Variants in MBD5 observed in about 807,000 individuals in gnomAD.
MBD5 encodes methyl-CpG binding domain protein 5.
A neutral mutation model predicts 117.3 loss-of-function variants in MBD5; 13 were observed. That is an observed-to-expected ratio of 0.11 (90% CI 0.07 to 0.18). The LOEUF (loss-of-function observed/expected upper bound fraction) is 0.18. MBD5 is among the 10% of genes least tolerant of loss of function. MBD5 has a pLI of 1.00. For missense variants in MBD5, 1,879 were observed against 2,093.8 expected (o/e 0.90, Z 2.00); for synonymous variants, 727 against 766.4 (o/e 0.95, Z 0.85).
chr2:148,239,157 TC>T (rs954121262), intron 3 of MBD5, among the ~76,000 whole-genome samples: 143 of 152,236 alleles, frequency 9.4e-4, no homozygotes, highest in African/African-American at 3.4e-3. Context: ...CTGTTCAGCC[TC>T]TGAAAAGATG....
chr2:148,044,485 C>T (rs191488064), intron 1 of MBD5: 1 of 152,232 alleles, frequency 6.6e-6, no homozygotes, highest in East Asian at 1.9e-4. Context: ...GTATTTTAGT[C>T]AACTTTCTCA....
At chr2:148,281,733 G>A (rs562281892) in intron 3 of MBD5, among the ~76,000 whole-genome samples, 16 of 152,138 alleles carry the variant, frequency 1.1e-4, no homozygotes, top group African/African-American at 3.9e-4. Flanking sequence ...GAGTCAGTGG[G>A]TGGATTGACT....
intron 1 of MBD5, among the ~76,000 whole-genome samples, chr2:148,087,727 G>C (rs1452205506): frequency 6.6e-6 from 1 of 152,176 alleles, no homozygotes; most frequent in Admixed American, 6.5e-5. Flanking sequence ...CAGCACTCTA[G>C]TTCCACATTT....
intron 5 of MBD5, among the ~76,000 whole-genome samples, chr2:148,460,601 G>A (rs1429777033): frequency 6.6e-6 from 1 of 152,160 alleles, no homozygotes; most frequent in Admixed American, 6.6e-5. Context: ...TGGCATTGAG[G>A]CTACACATTA....
At chr2:148,100,976 G>C (rs1462420855) in intron 1 of MBD5, among the ~76,000 whole-genome samples, 5 of 152,130 alleles carry the variant, frequency 3.3e-5, no homozygotes, top group Non-Finnish European at 7.4e-5. Flanking sequence ...CCTCATTTCA[G>C]AATGTTTACA....
intron 4 of MBD5, among the ~76,000 whole-genome samples, chr2:148,424,970 A>T (rs1308028490): frequency 6.6e-6 from 1 of 152,166 alleles, no homozygotes; most frequent in Non-Finnish European, 1.5e-5. Flanking sequence ...TCGCATTTTT[A>T]AAAAACTAGA....
At chr2:148,426,533 C>G (rs546334958) in intron 4 of MBD5, among the ~76,000 whole-genome samples, 7 of 151,892 alleles carry the variant, frequency 4.6e-5, no homozygotes, top group African/African-American at 9.7e-5. Flanking sequence ...ACAAACCTGA[C>G]AAAAATAAGA....
In MBD5 at chr2:148,273,195, C is replaced by T. The variant is rs114855067; in HGVS notation, c.-680+39800C>T. ...TCCAACCTCACAAAATGCCTTTGCT[C>T]ATTCCTGGGCATCGGTCAAACTGTG... On this transcript the variant is annotated intron_variant, in intron 3 of 13. Transcript: ENST00000642680. Among the ~76,000 whole-genome samples the T allele has an allele frequency of 5.4e-3, 826 of 152,250 alleles. 10 individuals carry two copies. The highest frequency in any genetic ancestry group is 0.019 in the African/African-American group (796 of 41,560).
intron 4 of MBD5, among the ~76,000 whole-genome samples, chr2:148,381,852 C>T (rs182632148): frequency 6.6e-6 from 1 of 152,086 alleles, no homozygotes; most frequent in Non-Finnish European, 1.5e-5. Flanking sequence ...CATATCTAGC[C>T]AAACTAAGCT....
chr2:148,277,065 A>G (rs191507213), intron 3 of MBD5, among the ~76,000 whole-genome samples: 5 of 152,186 alleles, frequency 3.3e-5, no homozygotes, highest in Non-Finnish European at 7.4e-5. Flanking sequence ...TTAAGGGGCA[A>G]TTTTCAGTTG....
intron 2 of MBD5, among the ~76,000 whole-genome samples, chr2:148,223,487 T>C (rs1192395358): frequency 6.6e-6 from 1 of 152,138 alleles, no homozygotes; most frequent in Non-Finnish European, 1.5e-5. Flanking sequence ...TTAATCTTGG[T>C]ATGTTGTATT....
At chr2:148,386,167 T>G (rs1704354136) in intron 4 of MBD5, among the ~76,000 whole-genome samples, 1 of 152,000 alleles carries the variant, frequency 6.6e-6, no homozygotes, top group African/African-American at 2.4e-5. Context: ...GATTTTCAAT[T>G]TATTAAGTTA....
In MBD5 at chr2:148,180,335, A is replaced by G. The variant is rs530041357; in HGVS notation, c.-831+1542A>G. ...TAAATCAGATCCTTCTAGTAAAAAA[A>G]AATTATACATATATATATATATATA... On this transcript the variant is annotated intron_variant, in intron 2 of 13. Coordinates refer to ENST00000642680, the MANE Select transcript of MBD5 (RefSeq NM_001378120.1). Among the ~76,000 whole-genome samples the G allele has an allele frequency of 2.7e-3, 68 of 25,440 alleles. 1 individual carries two copies. Among genetic ancestry groups the G allele is most frequent in the Non-Finnish European group, 4.9e-3 (53 of 10,724 alleles). 16.7% of individuals were successfully genotyped at this position (25,440 alleles called of 152,430 possible).
chr2:148,436,745 T>C (rs1706167543), intron 4 of MBD5, among the ~76,000 whole-genome samples: 1 of 152,124 alleles, frequency 6.6e-6, no homozygotes, highest in African/African-American at 2.4e-5. Context: ...CAGGAGGTTC[T>C]TCAAGGTTTT....
At chr2:148,418,455 G>A (rs999259947) in intron 4 of MBD5, among the ~76,000 whole-genome samples, 1 of 152,080 alleles carries the variant, frequency 6.6e-6, no homozygotes, top group Non-Finnish European at 1.5e-5. Flanking sequence ...GATGTGATCT[G>A]ATCTGATACC....
chr2:148,454,388 G>A (rs1706819794), intron 4 of MBD5, among the ~76,000 whole-genome samples: 1 of 152,194 alleles, frequency 6.6e-6, no homozygotes, highest in East Asian at 1.9e-4. Flanking sequence ...TCATGAATTG[G>A]AATCCTATAT....
chr2:148,241,328 A>G (rs1415863020), intron 3 of MBD5, among the ~76,000 whole-genome samples: 1 of 152,196 alleles, frequency 6.6e-6, no homozygotes. Context: ...GTATAGGGAT[A>G]TAATATTTAC....
chr2:148,370,521 G>A (rs1217054319), intron 4 of MBD5, among the ~76,000 whole-genome samples: 1 of 151,994 alleles, frequency 6.6e-6, no homozygotes, highest in Admixed American at 6.6e-5. Context: ...TTTTGAGATG[G>A]AGTCTCACTC....
chr2:148,197,818 G>GC (rs1484480585), intron 2 of MBD5, among the ~76,000 whole-genome samples: 5 of 103,558 alleles, frequency 4.8e-5, no homozygotes, highest in Admixed American at 2.3e-4. Context: ...TTTTTTTTTT[G>GC]TTTTTTTTTT....
Sources: gnomAD v4.1 joint callset for allele counts (sites outside exome capture counted in the v4.1 genomes callset) on GRCh38, gnomAD v4.1.1 for gene constraint, MANE v1.5 for transcripts, NCBI Gene and HGNC (gene_info 2026-07-23, HGNC 2026-07-21) for gene names.